TSPAN16: variants seen among roughly 807,000 people sequenced by gnomAD.
The protein encoded by TSPAN16 is tetraspanin-16.
Under a neutral mutation model 25.2 loss-of-function variants are expected in TSPAN16, and 23 were observed. The observed-to-expected ratio is 0.91, with a 90% confidence interval of 0.66 to 1.29. The LOEUF is 1.29. TSPAN16 is among the 50% of genes most tolerant of loss of function. TSPAN16 has a pLI of 0.00. For missense variants in TSPAN16, 272 were observed against 299.9 expected, an observed-to-expected ratio of 0.91 and a Z score of 0.69; for synonymous variants, 123 against 124.4, an observed-to-expected ratio of 0.99 and a Z score of 0.08.
intron 5 of TSPAN16, among the ~76,000 whole-genome samples, chr19:11,310,800 A>G (rs2080682634): frequency 6.6e-6 from 1 of 152,160 alleles, no homozygotes; most frequent in African/African-American, 2.4e-5. Context: ...ATGTCAGACC[A>G]CTGCAATGTA....
chr19:11,326,496 C>G lies in TSPAN16; in HGVS notation c.688-298C>G, dbSNP rs988509948. Reference sequence around the variant, plus strand: ...TAGGTGGGAGGGTACATGAAGAGTTCTGCTGCCCTGCGGCCATGGCAGTGC... The same window carrying G: ...TAGGTGGGAGGGTACATGAAGAGTTGTGCTGCCCTGCGGCCATGGCAGTGC... On this transcript the variant is annotated intron_variant, in intron 6 of 6. Coordinates refer to the TSPAN16 transcript ENST00000316737. Among the ~76,000 whole-genome samples, 5 of 152,338 alleles carry G rather than the reference C, an allele frequency of 3.3e-5. No individual in the cohort carries two copies. In the South Asian group the frequency reaches 1.0e-3, roughly 32 times the overall value.
downstream of TSPAN16, among the ~76,000 whole-genome samples, chr19:11,316,179 C>G (rs567436537): frequency 6.7e-6 from 1 of 149,502 alleles, no homozygotes; most frequent in African/African-American, 2.5e-5. Flanking sequence ...AGTGCAATGG[C>G]ACGATCTCAG....
intron 4 of TSPAN16, among the ~76,000 whole-genome samples, chr19:11,305,538 T>TAATAAAAATAAA (rs200284233): frequency 2.7e-5 from 4 of 149,400 alleles, no homozygotes; most frequent in African/African-American, 5.0e-5. Context: ...TCAAAAAAAA[T>TAATAAAAATAAA]AATAAAAATA....
intron 4 of TSPAN16, among the ~76,000 whole-genome samples, chr19:11,306,325 C>A (rs2080625765): frequency 6.6e-6 from 1 of 152,068 alleles, no homozygotes; most frequent in East Asian, 1.9e-4. Context: ...TCCTGAGTAG[C>A]TGGGAATACC....
chr19:11,302,684 C>CACATATATATATATATATAT (rs2080575154), intron 4 of TSPAN16, among the ~76,000 whole-genome samples: 1 of 121,346 alleles, frequency 8.2e-6, no homozygotes, highest in Admixed American at 8.5e-5. Flanking sequence ...TATATACACA[C>CACATATATATATATATATAT]ACACACACAC....
chr19:11,316,405 C>A (rs1023509063), downstream of TSPAN16, among the ~76,000 whole-genome samples: 1 of 152,106 alleles, frequency 6.6e-6, no homozygotes, highest in Non-Finnish European at 1.5e-5. Flanking sequence ...CAGGTGTAAG[C>A]CACTGCACCC....
intron 4 of TSPAN16, among the ~76,000 whole-genome samples, chr19:11,305,301 A>T (rs757913460): frequency 2.0e-5 from 3 of 151,500 alleles, no homozygotes; most frequent in Non-Finnish European, 4.4e-5. Flanking sequence ...AGGCTGAGGC[A>T]GGTGGATCAC....
intron 1 of TSPAN16, among the ~76,000 whole-genome samples, chr19:11,297,916 T>C (rs538882761): frequency 1.7e-4 from 26 of 151,902 alleles, no homozygotes; most frequent in African/African-American, 6.0e-4. Context: ...TGCAGACACC[T>C]GAGTAGCTGA....
At chr19:11,298,458 A>G in intron 2 of TSPAN16, 119 bp downstream of exon 2, 1 of 922,308 alleles carries the variant, frequency 1.1e-6, no homozygotes, top group East Asian at 2.7e-5. Flanking sequence ...TTGCGGGGAC[A>G]GGGTTTCACT....
chr19:11,296,462 C>T (rs1239573603), intron 1 of TSPAN16, 96 bp downstream of exon 1: 22 of 1,336,040 alleles, frequency 1.6e-5, no homozygotes, highest in East Asian at 2.3e-5. Flanking sequence ...AAATTGGCAT[C>T]GAGATCTGTG....
chr19:11,322,337 C>T (rs955572501), intron 6 of TSPAN16: 10 of 151,284 alleles, frequency 6.6e-5, no homozygotes, highest in African/African-American at 1.9e-4. Context: ...GTCCCCCAGT[C>T]CCCCGAAAAA....
At position 11,315,868 on chromosome 19, in the gene TSPAN16, G is replaced by A; in HGVS notation, c.*30G>A. ...CAGGCCTGGAGAAGATGAGACACCT[G>A]GGCCCATCTGGCTGCTGGAGATTCA... On this transcript the variant is annotated 3_prime_UTR_variant, in exon 7 of 7. Transcript: ENST00000590327. 3 of 1,231,784 alleles carry A rather than the reference G, an allele frequency of 2.4e-6. No homozygotes were observed. The highest frequency in any genetic ancestry group is 3.0e-6 in the Non-Finnish European group (3 of 987,754). 76.3% of individuals were successfully genotyped at this position (1,231,784 alleles called of 1,614,324 possible).
At chr19:11,301,815 T>A (rs2080553221) in intron 4 of TSPAN16, among the ~76,000 whole-genome samples, 1 of 145,378 alleles carries the variant, frequency 6.9e-6, no homozygotes, top group Admixed American at 7.0e-5. Flanking sequence ...AAACATGAAA[T>A]GTATCGTTTA....
At chr19:11,326,460 C>G (rs2080813494) in intron 6 of TSPAN16, among the ~76,000 whole-genome samples, 1 of 152,170 alleles carries the variant, frequency 6.6e-6, no homozygotes, top group Non-Finnish European at 1.5e-5. Flanking sequence ...AAGGCAGTGG[C>G]TGCAAGAGTA....
intron 4 of TSPAN16, among the ~76,000 whole-genome samples, chr19:11,302,702 CACACAT>C (rs1256873338): frequency 7.0e-6 from 1 of 143,432 alleles, no homozygotes; most frequent in African/African-American, 2.7e-5. Flanking sequence ...CACACACACA[CACACAT>C]ACATATATAT....
intron 5 of TSPAN16, among the ~76,000 whole-genome samples, chr19:11,310,991 C>T (rs112301480): frequency 1.6e-3 from 236 of 152,214 alleles, no homozygotes; most frequent in Non-Finnish European, 2.7e-3. Context: ...GCACATACCA[C>T]CACACTGGCT....
intron 4 of TSPAN16, among the ~76,000 whole-genome samples, chr19:11,306,166 A>C (rs1367367959): frequency 1.3e-5 from 2 of 151,962 alleles, no homozygotes; most frequent in Non-Finnish European, 2.9e-5. Context: ...TACTCGGGAG[A>C]CTGAGGCAGG....
At chr19:11,313,920 A>G (rs2147955281) in intron 6 of TSPAN16, among the ~76,000 whole-genome samples, 1 of 152,364 alleles carries the variant, frequency 6.6e-6, no homozygotes, top group South Asian at 2.1e-4. Flanking sequence ...TGCTCATAGC[A>G]GGATTATTCA....
chr19:11,309,683 A>G (rs1319616696), intron 5 of TSPAN16, among the ~76,000 whole-genome samples: 1 of 152,180 alleles, frequency 6.6e-6, no homozygotes, highest in African/African-American at 2.4e-5. Flanking sequence ...ACTTTACAGT[A>G]TTATCACTAT....
Sources: gnomAD v4.1 joint callset for allele counts (sites outside exome capture counted in the v4.1 genomes callset) on GRCh38, gnomAD v4.1.1 for gene constraint, MANE v1.5 for transcripts, NCBI Gene and HGNC (gene_info 2026-07-23, HGNC 2026-07-21) for gene names.